Variants in SNTG1 observed in about 807,000 individuals in gnomAD.
SNTG1 encodes the protein syntrophin gamma 1.
In SNTG1, 39 loss-of-function variants were observed where a neutral mutation model predicts 74.7. That is an observed-to-expected ratio of 0.52 (90% confidence interval 0.40 to 0.68). The LOEUF is 0.68. Ranked by LOEUF, SNTG1 falls within the 30% of genes least tolerant of loss-of-function variation. SNTG1 has a pLI of 0.00. For missense variants in SNTG1, 685 were observed against 609.5 expected, an observed-to-expected ratio of 1.12 and a Z score of -1.30; for synonymous variants, 254 against 217.1, an observed-to-expected ratio of 1.17 and a Z score of -1.49.
At chr8:50,621,318 T>A (rs2094921986) in intron 13 of SNTG1, among the ~76,000 whole-genome samples, 1 of 152,124 alleles carries the variant, frequency 6.6e-6, no homozygotes, top group South Asian at 2.1e-4. Context: ...GGGCTGTCAC[T>A]ACCCCAAGAT....
At chr8:50,128,425 G>T (rs2081213286) in intron 1 of SNTG1, among the ~76,000 whole-genome samples, 1 of 152,022 alleles carries the variant, frequency 6.6e-6, no homozygotes, top group African/African-American at 2.4e-5. Context: ...TACTTTATAC[G>T]GTAAAAGCAA....
intron 2 of SNTG1, among the ~76,000 whole-genome samples, chr8:50,353,363 C>A (rs1284790101): frequency 6.6e-6 from 1 of 151,902 alleles, no homozygotes; most frequent in African/African-American, 2.4e-5. Flanking sequence ...GTGTAACAAA[C>A]CTGAACGTAG....
chr8:50,613,753 G>GT (rs150578477), intron 13 of SNTG1, among the ~76,000 whole-genome samples: 7,673 of 152,026 alleles, frequency 0.05, 356 homozygotes, highest in African/African-American at 0.12. Flanking sequence ...TTTAGAAGAA[G>GT]TTTTTTAACA....
At chr8:49,919,527 A>G (rs1394470421) in intron 1 of SNTG1, among the ~76,000 whole-genome samples, 1 of 152,100 alleles carries the variant, frequency 6.6e-6, no homozygotes, top group African/African-American at 2.4e-5. Flanking sequence ...AAGTGGGCTC[A>G]TTGGCTTGTT....
rs574389763 is a variant in SNTG1, at chr8:50,001,717, C to G, written c.-103+89486C>G. On this transcript the variant is annotated intron_variant, in intron 1 of 18. Coordinates refer to ENST00000642720, the MANE Select transcript of SNTG1 (RefSeq NM_018967.5). ...GGTGAAGTGCACCAATAACTTCCCT[C>G]TGAGAATCAGGAAGTAGCACTCTGC... Among the ~76,000 whole-genome samples the G allele has an allele frequency of 3.7e-4, 57 of 152,300 alleles. 1 individual carries two copies. In the South Asian group the frequency reaches 0.012, roughly 31 times the overall value.
intron 17 of SNTG1, among the ~76,000 whole-genome samples, chr8:50,737,757 A>T (rs1174447256): frequency 1.3e-5 from 2 of 152,176 alleles, no homozygotes; most frequent in African/African-American, 4.8e-5. Flanking sequence ...GTTTCAACGT[A>T]TGCAAATCAA....
At chr8:50,468,891 A>G (rs937240229) in intron 8 of SNTG1, among the ~76,000 whole-genome samples, 2 of 152,154 alleles carry the variant, frequency 1.3e-5, no homozygotes, top group African/African-American at 4.8e-5. Context: ...TGTGTAGTGC[A>G]GGTACCTTTT....
chr8:49,981,803 T>G (rs777887736), intron 1 of SNTG1, among the ~76,000 whole-genome samples: 24 of 152,202 alleles, frequency 1.6e-4, no homozygotes, highest in South Asian at 6.2e-4. Context: ...AAATTAAAAA[T>G]ATTACAAACA....
At chr8:50,430,382 C>T (rs979270779) in intron 4 of SNTG1, among the ~76,000 whole-genome samples, 1 of 152,056 alleles carries the variant, frequency 6.6e-6, no homozygotes, top group Non-Finnish European at 1.5e-5. Context: ...GTTTCCACAA[C>T]CTCGTGAAAT....
intron 15 of SNTG1, among the ~76,000 whole-genome samples, chr8:50,660,811 A>C (rs2095219041): frequency 6.6e-6 from 1 of 152,188 alleles, no homozygotes; most frequent in Admixed American, 6.5e-5. Context: ...CTATCAAGAT[A>C]TACAAACAAT....
intron 2 of SNTG1, among the ~76,000 whole-genome samples, chr8:50,295,363 A>C (rs746885947): frequency 1.8e-4 from 27 of 152,192 alleles, no homozygotes; most frequent in Non-Finnish European, 3.1e-4. Flanking sequence ...ATCTCTACTT[A>C]TTCCAGAAAA....
At chr8:50,623,701 A>G (rs1275784199) in intron 13 of SNTG1, among the ~76,000 whole-genome samples, 4 of 152,038 alleles carry the variant, frequency 2.6e-5, no homozygotes, top group South Asian at 4.1e-4. Flanking sequence ...TTGTTTTTAT[A>G]TATTGATTTT....
At chr8:50,791,346 C>T (rs1052048650) in intron 18 of SNTG1, among the ~76,000 whole-genome samples, 2 of 151,792 alleles carry the variant, frequency 1.3e-5, no homozygotes, top group African/African-American at 4.8e-5. Context: ...AAATGAATAA[C>T]CTCTTCTATT....
chr8:50,012,744 T>A (rs1815930198), intron 1 of SNTG1, among the ~76,000 whole-genome samples: 1 of 151,580 alleles, frequency 6.6e-6, no homozygotes, highest in South Asian at 2.1e-4. Context: ...TGGGCAAGAG[T>A]CTTTATTGTG....
intron 11 of SNTG1, among the ~76,000 whole-genome samples, chr8:50,547,532 G>A (rs998931089): frequency 5.3e-5 from 8 of 152,088 alleles, no homozygotes; most frequent in African/African-American, 1.7e-4. Flanking sequence ...TTGCCAAAGA[G>A]TCGCTCTTTG....
chr8:50,737,529 A>T (rs1314382075), intron 17 of SNTG1, among the ~76,000 whole-genome samples: 3 of 152,172 alleles, frequency 2.0e-5, no homozygotes, highest in Non-Finnish European at 4.4e-5. Context: ...AAAAAATAGC[A>T]AGAGAGGGAC....
intron 17 of SNTG1, among the ~76,000 whole-genome samples, chr8:50,713,605 A>G (rs2095467868): frequency 6.6e-6 from 1 of 152,114 alleles, no homozygotes; most frequent in Non-Finnish European, 1.5e-5. Flanking sequence ...GGAATTGCCT[A>G]GGTTTTCTTC....
chr8:50,162,429 G>T (rs1418965120), intron 1 of SNTG1, among the ~76,000 whole-genome samples: 1 of 151,832 alleles, frequency 6.6e-6, no homozygotes, highest in Admixed American at 6.6e-5. Flanking sequence ...GGACGTGGAG[G>T]CGGGTGCCTG....
chr8:50,363,307 C>T (rs750722862), intron 2 of SNTG1, among the ~76,000 whole-genome samples: 1 of 152,088 alleles, frequency 6.6e-6, no homozygotes, highest in Non-Finnish European at 1.5e-5. Flanking sequence ...CTCCATAACT[C>T]TTTTTTTGAT....
Sources: gnomAD v4.1 joint callset for allele counts (sites outside exome capture counted in the v4.1 genomes callset) on GRCh38, gnomAD v4.1.1 for gene constraint, MANE v1.5 for transcripts, NCBI Gene and HGNC (gene_info 2026-07-23, HGNC 2026-07-21) for gene names.